The following DPY19L1 variants were observed in gnomAD, a reference collection of about 807,000 sequenced individuals.
The protein encoded by DPY19L1 is dpy-19 like C-mannosyltransferase 1.
A neutral mutation model predicts 96.9 loss-of-function variants in DPY19L1; 35 were observed. The ratio of observed to expected loss-of-function variants is 0.36; its 90% confidence interval spans 0.28 to 0.48. The LOEUF is 0.48. Among genes scored for constraint, DPY19L1 ranks in the 20% least tolerant of loss-of-function variants. The pLI is 0.99. For synonymous variants in DPY19L1, 205 were observed against 252.6 expected (o/e 0.81, Z 1.79); for missense variants, 521 against 777.9 (o/e 0.67, Z 3.93).
chr7:34,977,179 A>T (rs1478510212), intron 7 of DPY19L1, among the ~76,000 whole-genome samples: 1 of 152,212 alleles, frequency 6.6e-6, no homozygotes, highest in East Asian at 1.9e-4. Flanking sequence ...GAAAACCAAG[A>T]AATTTGTATG....
At chr7:34,981,879 G>A (rs1157820574) in intron 7 of DPY19L1, among the ~76,000 whole-genome samples, 1 of 152,142 alleles carries the variant, frequency 6.6e-6, no homozygotes, top group Non-Finnish European at 1.5e-5. Context: ...GAACCCGGGA[G>A]GCAGAGGCTA....
chr7:35,020,063 GT>G (rs1785957287), intron 1 of DPY19L1, among the ~76,000 whole-genome samples: 1 of 152,060 alleles, frequency 6.6e-6, no homozygotes, highest in African/African-American at 2.4e-5. Context: ...AGTCCAAGAG[GT>G]TGAGGTTGTA....
intron 6 of DPY19L1, among the ~76,000 whole-genome samples, chr7:35,000,086 CAT>C (rs1034489933): frequency 6.6e-6 from 1 of 152,116 alleles, no homozygotes; most frequent in Non-Finnish European, 1.5e-5. Context: ...AGTTTAAAAA[CAT>C]ACTAATAACT....
chr7:34,997,330 C>T lies in DPY19L1; in HGVS notation c.765-7389G>A, dbSNP rs1165933687. Among the ~76,000 whole-genome samples, 4 of 150,220 alleles carry T rather than the reference C, an allele frequency of 2.7e-5. No individual in the cohort carries two copies. In the South Asian group the frequency reaches 6.3e-4, roughly 24 times the overall value. ...AAAAAAGGCCAGGCACAGTGGCTCACGCCTGTAATCCCAGCACTTTGGGAG... is the reference window on the plus strand; with the variant it reads ...AAAAAAGGCCAGGCACAGTGGCTCATGCCTGTAATCCCAGCACTTTGGGAG... On this transcript the variant is annotated intron_variant, in intron 6 of 21. Coordinates refer to ENST00000638088, the MANE Select transcript of DPY19L1 (RefSeq NM_001366673.1).
At chr7:34,952,893 T>C (rs1045917241) in intron 13 of DPY19L1, among the ~76,000 whole-genome samples, 5 of 152,158 alleles carry the variant, frequency 3.3e-5, no homozygotes, top group Admixed American at 2.6e-4. Flanking sequence ...CATTCATTCA[T>C]AAAAAACTGA....
At chr7:34,991,528 C>T (rs1449560452) in intron 6 of DPY19L1, among the ~76,000 whole-genome samples, 1 of 152,104 alleles carries the variant, frequency 6.6e-6, no homozygotes, top group East Asian at 1.9e-4. Context: ...AAGAGAAGCA[C>T]ACAGGCTAGG....
intron 1 of DPY19L1, among the ~76,000 whole-genome samples, chr7:35,033,326 A>G (rs1786306387): frequency 6.6e-6 from 1 of 151,870 alleles, no homozygotes; most frequent in Admixed American, 6.6e-5. Flanking sequence ...CCTGCAGTGC[A>G]CTCATTCACA....
intron 16 of DPY19L1, among the ~76,000 whole-genome samples, chr7:34,945,202 C>G (rs1229518767): frequency 6.6e-6 from 1 of 151,702 alleles, no homozygotes; most frequent in African/African-American, 2.4e-5. Flanking sequence ...CTCTCTAACT[C>G]TCAGGTTATA....
chr7:34,988,162 A>G (rs1363395475), intron 7 of DPY19L1: 1 of 152,172 alleles, frequency 6.6e-6, no homozygotes, highest in Non-Finnish European at 1.5e-5. Context: ...ACGTAAGACG[A>G]AGAATTAAAA....
rs1786455565 is a variant in DPY19L1, at chr7:35,037,384, T to G, written c.11A>C (p.Gln4Pro). Residue 4 changes from glutamine to proline, a missense_variant, in exon 1 of 22, where the codon CAG becomes CCG. By Grantham distance (76) the Gln-to-Pro change is moderately conservative. Transcript: ENST00000638088. MVL[Q>P]ARNKHREAAP... ...CGCCTCCCGGTGCTTGTTCCGCGCC[T>G]GCAGGACCATCTTGGCATAGTCGCG... The G allele has an allele frequency of 5.8e-6, 2 of 346,866 alleles. No homozygotes were observed. Among genetic ancestry groups the G allele is most frequent in the Admixed American group, 9.6e-5 (2 of 20,880 alleles). The allele number at this position is 346,866 out of a possible 1,614,324, so 21.5% of individuals were successfully genotyped here.
intron 6 of DPY19L1, among the ~76,000 whole-genome samples, chr7:35,006,362 T>C (rs1367520439): frequency 6.6e-6 from 1 of 152,214 alleles, no homozygotes; most frequent in Non-Finnish European, 1.5e-5. Context: ...GCTTGATATC[T>C]GCCTTAGAGT....
chr7:34,991,822 C>G (rs1044887651), intron 6 of DPY19L1, among the ~76,000 whole-genome samples: 1 of 152,112 alleles, frequency 6.6e-6, no homozygotes, highest in Non-Finnish European at 1.5e-5. Flanking sequence ...TGTTCCTTTT[C>G]TAATTATTCT....
intron 6 of DPY19L1, among the ~76,000 whole-genome samples, chr7:34,995,577 T>C (rs1785264326): frequency 6.6e-6 from 1 of 152,208 alleles, no homozygotes; most frequent in Admixed American, 6.5e-5. Context: ...ACTACAGTTG[T>C]ATAGATTTAA....
At chr7:35,037,911 G>A (rs1355675854), upstream of DPY19L1, 16 of 1,238,384 alleles carry the variant, frequency 1.3e-5, no homozygotes, top group Non-Finnish European at 1.6e-5. Context: ...GGAGTGATGG[G>A]GCCGAAGGAA....
chr7:35,017,625 T>C (rs1398337224), intron 3 of DPY19L1, among the ~76,000 whole-genome samples: 1 of 148,454 alleles, frequency 6.7e-6, no homozygotes, highest in South Asian at 2.1e-4. Context: ...TGAGCCGAGA[T>C]GGAGCCACTG....
chr7:34,955,420 T>G, intron 11 of DPY19L1, 53 bp from the exon 12 acceptor site: 2 of 1,578,304 alleles, frequency 1.3e-6, no homozygotes, highest in Non-Finnish European at 1.7e-6. Context: ...TAGACATAAA[T>G]TCAAGTACCA....
At chr7:35,005,637 A>T (rs1246607861) in intron 6 of DPY19L1, among the ~76,000 whole-genome samples, 5 of 30,572 alleles carry the variant, frequency 1.6e-4, no homozygotes, top group Non-Finnish European at 4.0e-4. Context: ...TGTCTCTACT[A>T]AAAAAAAAAA....
intron 18 of DPY19L1, 137 bp from the exon 19 acceptor site, chr7:34,940,464 C>T (rs1327712931): frequency 3.0e-6 from 2 of 670,514 alleles, no homozygotes; most frequent in African/African-American, 1.8e-5. Context: ...AAGAAAAAGC[C>T]CCAAAATAAT....
upstream of DPY19L1, chr7:35,037,818 C>A: frequency 1.3e-5 from 16 of 1,227,432 alleles, no homozygotes; most frequent in Non-Finnish European, 1.6e-5. Flanking sequence ...CTACCCACAC[C>A]TCTTCGGCGC....
Sources: allele counts gnomAD v4.1 joint callset (sites outside exome capture counted in the v4.1 genomes callset), GRCh38; gene constraint gnomAD v4.1.1; transcripts MANE v1.5; gene names NCBI Gene and HGNC (gene_info 2026-07-23, HGNC 2026-07-21).